The following LDLRAD3 variants were observed in gnomAD, a reference collection of about 807,000 sequenced individuals.
LDLRAD3 encodes low density lipoprotein receptor class A domain containing 3.
In LDLRAD3, 20 loss-of-function variants were observed where a neutral mutation model predicts 29.4. That is an observed-to-expected ratio of 0.68 (90% CI 0.48 to 0.99). The LOEUF (loss-of-function observed/expected upper bound fraction) is 0.99. LDLRAD3 is among the 50% of genes least tolerant of loss of function. The pLI is 0.00. For synonymous variants in LDLRAD3, 157 were observed against 192.7 expected, an observed-to-expected ratio of 0.81 and a Z score of 1.53; for missense variants, 420 against 454.3, an observed-to-expected ratio of 0.92 and a Z score of 0.69.
chr11:36,044,816 G>A (rs774431516), intron 2 of LDLRAD3, among the ~76,000 whole-genome samples: 1 of 152,252 alleles, frequency 6.6e-6, no homozygotes, highest in Non-Finnish European at 1.5e-5. Flanking sequence ...GGGGACCTAT[G>A]TCTTAATGGA....
At position 36,092,612 on chromosome 11, in the gene LDLRAD3, G is replaced by A. The variant is rs143150779; in HGVS notation, c.320-5715G>A. 3.9e-3 allele frequency among the ~76,000 whole-genome samples: 586 copies of A among 152,132 alleles called. 5 individuals carry two copies. Among genetic ancestry groups the A allele is most frequent in the African/African-American group, 0.013 (536 of 41,490 alleles). ...ATTTTTAGCTTTTGGAATTCTTGAG[G>A]TTGCTTTTTAGAGCGTTTCTGTCCC... On this transcript the variant is annotated intron_variant, in intron 3 of 5. Transcript: ENST00000315571.
At chr11:36,165,128 G>A (rs1466244973) in intron 4 of LDLRAD3, among the ~76,000 whole-genome samples, 1 of 152,060 alleles carries the variant, frequency 6.6e-6, no homozygotes, top group Non-Finnish European at 1.5e-5. Context: ...TCTTGCAACC[G>A]TGATACTTTT....
At chr11:36,022,530 G>A (rs1852111033) in intron 1 of LDLRAD3, among the ~76,000 whole-genome samples, 1 of 152,094 alleles carries the variant, frequency 6.6e-6, no homozygotes, top group African/African-American at 2.4e-5. Context: ...AAGATGGACA[G>A]AACAGCCCTT....
At chr11:36,115,093 A>G (rs1853656252) in intron 4 of LDLRAD3, among the ~76,000 whole-genome samples, 1 of 151,894 alleles carries the variant, frequency 6.6e-6, no homozygotes, top group Non-Finnish European at 1.5e-5. Flanking sequence ...TGAGACTGCC[A>G]TATTGTGAGG....
rs187508008 is a variant in LDLRAD3, at chr11:36,223,467, G to A, written c.455-3618G>A. On this transcript the variant is annotated intron_variant, in intron 4 of 5. Coordinates refer to ENST00000315571, the MANE Select transcript of LDLRAD3 (RefSeq NM_174902.4). ...TCACTGGCCAGGAGTGGTGACTCAC[G>A]CCTGTAATCCCAACACTTTGGAAGG... Among the ~76,000 whole-genome samples, 12 of 152,210 alleles carry A rather than the reference G, an allele frequency of 7.9e-5. 1 individual carries two copies. The highest frequency in any genetic ancestry group is 7.7e-4 in the East Asian group (4 of 5,182).
intron 1 of LDLRAD3, among the ~76,000 whole-genome samples, chr11:36,019,032 C>T (rs962526552): frequency 6.6e-6 from 1 of 151,958 alleles, no homozygotes; most frequent in Non-Finnish European, 1.5e-5. Flanking sequence ...TATAAAAGAC[C>T]AAGTACTTCT....
chr11:36,039,750 A>G (rs1256555265), intron 2 of LDLRAD3, among the ~76,000 whole-genome samples: 1 of 152,248 alleles, frequency 6.6e-6, no homozygotes, highest in Non-Finnish European at 1.5e-5. Flanking sequence ...AAGTAGTGAC[A>G]CTGTAACTTA....
At chr11:36,174,793 A>G (rs1052756394) in intron 4 of LDLRAD3, among the ~76,000 whole-genome samples, 1 of 152,152 alleles carries the variant, frequency 6.6e-6, no homozygotes, top group Non-Finnish European at 1.5e-5. Context: ...CATCCTGGCT[A>G]ACATGATGAA....
chr11:35,951,871 A>G (rs1445576740), intron 1 of LDLRAD3, among the ~76,000 whole-genome samples: 1 of 152,218 alleles, frequency 6.6e-6, no homozygotes, highest in African/African-American at 2.4e-5. Flanking sequence ...CCAGTGACCA[A>G]TAAATCACAG....
intron 1 of LDLRAD3, among the ~76,000 whole-genome samples, chr11:35,973,634 T>A (rs1851442691): frequency 6.8e-6 from 1 of 147,946 alleles, no homozygotes; most frequent in Non-Finnish European, 1.5e-5. Context: ...CTGGCTAATT[T>A]TTGTATTTTT....
intron 4 of LDLRAD3, among the ~76,000 whole-genome samples, chr11:36,113,652 G>A (rs1238054543): frequency 5.3e-5 from 8 of 149,648 alleles, no homozygotes; most frequent in Non-Finnish European, 1.2e-4. Context: ...TATCCTAGGT[G>A]TAGAAATCAC....
At chr11:36,143,240 C>T (rs1391099282) in intron 4 of LDLRAD3, among the ~76,000 whole-genome samples, 3 of 152,180 alleles carry the variant, frequency 2.0e-5, no homozygotes, top group African/African-American at 4.8e-5. Context: ...AGGCACAACG[C>T]GCTGTCTCCG....
intron 4 of LDLRAD3, among the ~76,000 whole-genome samples, chr11:36,214,627 T>C (rs139495227): frequency 2.6e-5 from 4 of 152,282 alleles, no homozygotes; most frequent in African/African-American, 9.6e-5. Context: ...ACTGGTTGAG[T>C]GGGACCTGCC....
chr11:36,165,980 T>TCCCTCCCTC (rs1854509854), intron 4 of LDLRAD3, among the ~76,000 whole-genome samples: 1 of 73,970 alleles, frequency 1.4e-5, no homozygotes, highest in African/African-American at 6.5e-5. Context: ...CTCCCTCCCT[T>TCCCTCCCTC]CCTTCCTTCC....
chr11:35,975,981 C>T (rs1309829465), intron 1 of LDLRAD3, among the ~76,000 whole-genome samples: 1 of 151,976 alleles, frequency 6.6e-6, no homozygotes, highest in Non-Finnish European at 1.5e-5. Context: ...AGAAGATACC[C>T]TGGGCAGGTT....
At chr11:35,985,055 G>A in intron 1 of LDLRAD3, among the ~76,000 whole-genome samples, 1 of 151,542 alleles carries the variant, frequency 6.6e-6, no homozygotes, top group Non-Finnish European at 1.5e-5. Flanking sequence ...CTCCCAAGTA[G>A]CAGGGAACTA....
At chr11:36,029,662 T>C (rs1852211398) in intron 1 of LDLRAD3, among the ~76,000 whole-genome samples, 1 of 152,214 alleles carries the variant, frequency 6.6e-6, no homozygotes, top group African/African-American at 2.4e-5. Context: ...TTCATAAAAC[T>C]ATTTCCTGGT....
chr11:35,945,977 CTG>C (rs1486148211), intron 1 of LDLRAD3, among the ~76,000 whole-genome samples: 1 of 152,192 alleles, frequency 6.6e-6, no homozygotes, highest in Non-Finnish European at 1.5e-5. Context: ...TTTCCATTAT[CTG>C]TGGGCTTTGA....
In LDLRAD3 at chr11:35,973,639, A is replaced by AT. The variant is rs75711682; in HGVS notation, c.46+29506dup. 1.5e-3 allele frequency among the ~76,000 whole-genome samples: 224 copies of AT among 145,362 alleles called. 4 individuals are homozygous for AT. The East Asian group carries it at 0.02, about 13-fold the overall frequency. ...GCCACCACGCCTGGCTAATTTTTGT[A>AT]TTTTTTTTTTTAGTAGAAGTGAGGT... On this transcript the variant is annotated intron_variant, in intron 1 of 5. Transcript: ENST00000315571.
Sources: gnomAD v4.1 joint callset for allele counts (sites outside exome capture counted in the v4.1 genomes callset) on GRCh38, gnomAD v4.1.1 for gene constraint, MANE v1.5 for transcripts, NCBI Gene and HGNC (gene_info 2026-07-23, HGNC 2026-07-21) for gene names.